The following DLEC1 variants were observed in gnomAD, a reference collection of about 807,000 sequenced individuals.
The protein encoded by DLEC1 is DLEC1 cilia and flagella associated protein.
DLEC1 carries 146 observed loss-of-function variants against 198.1 expected under a neutral mutation model. That is an observed-to-expected ratio of 0.74 (90% CI 0.64 to 0.85). The LOEUF (loss-of-function observed/expected upper bound fraction) is 0.85. DLEC1 is among the 40% of genes least tolerant of loss of function. The pLI is 0.00. For synonymous variants in DLEC1, 897 were observed against 866.8 expected (o/e 1.03, Z -0.61); for missense variants, 2,233 against 2,220.0 (o/e 1.01, Z -0.12).
chr3:38,076,574 C>G (rs965730372), intron 6 of DLEC1, among the ~76,000 whole-genome samples: 5 of 152,094 alleles, frequency 3.3e-5, no homozygotes, highest in Non-Finnish European at 7.4e-5. Context: ...TCACTCAAGG[C>G]AAGGACCGGC....
intron 1 of DLEC1, among the ~76,000 whole-genome samples, chr3:38,040,945 TCCTC>T (rs949792417): frequency 2.0e-5 from 3 of 151,944 alleles, no homozygotes; most frequent in Admixed American, 6.6e-5. Flanking sequence ...GCTCAACTGA[TCCTC>T]CCTCCTCAGC....
chr3:38,043,902 C>T (rs1700766506), intron 1 of DLEC1, among the ~76,000 whole-genome samples: 1 of 151,970 alleles, frequency 6.6e-6, no homozygotes, highest in Admixed American at 6.6e-5. Context: ...TAAATCTTTG[C>T]GATCCCACCA....
chr3:38,117,193 A>G lies in DLEC1; in HGVS notation c.4306-15A>G. The G allele has an allele frequency of 6.2e-7, 1 of 1,614,122 alleles. No individual in the cohort carries two copies. The highest frequency in any genetic ancestry group is 8.5e-7 in the Non-Finnish European group (1 of 1,179,988). ...CAGCCCAGGGATCAGCTGTGATCAG[A>G]CTTGGGCTCAGTAGGTGGAAAGGGA... On this transcript the variant is annotated splice_polypyrimidine_tract_variant and intron_variant, in intron 30 of 36. Coordinates refer to ENST00000308059, the MANE Select transcript of DLEC1 (RefSeq NM_007335.4).
chr3:38,118,735 T>C (rs1453902458), intron 33 of DLEC1, among the ~76,000 whole-genome samples: 2 of 151,942 alleles, frequency 1.3e-5, no homozygotes, highest in African/African-American at 4.8e-5. Flanking sequence ...TCTTTCTTCT[T>C]CTCGGAGGGC....
chr3:38,116,344 G>A (rs762165001), intron 27 of DLEC1, 109 bp from the exon 28 acceptor site: 9 of 1,051,592 alleles, frequency 8.6e-6, no homozygotes, highest in Non-Finnish European at 1.3e-5. Flanking sequence ...CCCTCCACCT[G>A]GGTATGGGAG....
intron 1 of DLEC1, among the ~76,000 whole-genome samples, chr3:38,042,427 CT>C (rs1700698339): frequency 6.6e-6 from 1 of 151,974 alleles, no homozygotes; most frequent in Non-Finnish European, 1.5e-5. Context: ...GGACATTTAA[CT>C]TTTTCTTTGC....
At chr3:38,097,665 G>A (rs770393115) in intron 17 of DLEC1, 28 bp downstream of exon 17, 2 of 1,614,016 alleles carry the variant, frequency 1.2e-6, no homozygotes, top group East Asian at 2.2e-5. Context: ...GGGCAGTGGG[G>A]TGGGCCCAGA....
intron 27 of DLEC1, among the ~76,000 whole-genome samples, chr3:38,115,685 G>A (rs1417640367): frequency 6.6e-6 from 1 of 152,108 alleles, no homozygotes; most frequent in African/African-American, 2.4e-5. Context: ...AGATGGGTTC[G>A]ATGCAGGCAG....
At chr3:38,055,420 T>G (rs1696305673) in intron 2 of DLEC1, among the ~76,000 whole-genome samples, 1 of 152,192 alleles carries the variant, frequency 6.6e-6, no homozygotes, top group Non-Finnish European at 1.5e-5. Context: ...GAGAGTAGAC[T>G]TTATAGCAGC....
At chr3:38,084,831 C>T (rs1432700997) in intron 7 of DLEC1, among the ~76,000 whole-genome samples, 5 of 152,004 alleles carry the variant, frequency 3.3e-5, no homozygotes, top group Non-Finnish European at 4.4e-5. Context: ...TATCTCCCCA[C>T]TCCTCGTGCT....
At chr3:38,092,671 A>T in intron 10 of DLEC1, 119 bp from the exon 11 acceptor site, 1 of 893,726 alleles carries the variant, frequency 1.1e-6, no homozygotes, top group Non-Finnish European at 1.8e-6. Flanking sequence ...GGTGGCAGGG[A>T]GGGGAACAGA....
chr3:38,054,840 G>A (rs1696271114), intron 2 of DLEC1, among the ~76,000 whole-genome samples: 1 of 152,168 alleles, frequency 6.6e-6, no homozygotes. Context: ...TATGGGAAAA[G>A]CCACCACGAG....
chr3:38,060,270 C>A (rs376315084), intron 3 of DLEC1, among the ~76,000 whole-genome samples: 1 of 152,118 alleles, frequency 6.6e-6, no homozygotes, highest in Non-Finnish European at 1.5e-5. Flanking sequence ...GGAGGGAAGC[C>A]TGGGTAGAGA....
At chr3:38,040,848 A>AT (rs566659189) in intron 1 of DLEC1, among the ~76,000 whole-genome samples, 8,090 of 149,488 alleles carry the variant, frequency 0.054, 260 homozygotes, top group Middle Eastern at 0.13. Flanking sequence ...CATATTACAA[A>AT]TTTTTTTTTT....
In DLEC1 at chr3:38,114,435, C is replaced by T; in HGVS notation, c.3760C>T (p.Gln1254Ter). 1.9e-6 allele frequency: 3 copies of T among 1,614,212 alleles called. No homozygotes were observed. The highest frequency in any genetic ancestry group is 2.5e-6 in the Non-Finnish European group (3 of 1,180,024). ...SLRTTSYTID[Q>*]AQKEPAMRFG... ...GAGGACCACCTCCTACACTATTGAC[C>T]AGGCCCAGAAGGAACCAGCCATGAG... is the stretch of plus-strand genomic sequence containing the variant. The change falls in exon 26 of 37, where the codon CAG (glutamine) becomes TAG (stop). Residue 1254 changes from glutamine to a stop codon, truncating the protein, a stop_gained. Coordinates refer to ENST00000308059, the MANE Select transcript of DLEC1 (RefSeq NM_007335.4). LOFTEE classifies it high-confidence loss of function.
At position 38,107,685 on chromosome 3, in the gene DLEC1, C is replaced by T; in HGVS notation, c.2966C>T (p.Thr989Ile). ...TACCTGGGTGTGCCCACGAAGACAACCATCACACTTATCAATGGCACGCTC... is the reference window on the plus strand; with the variant it reads ...TACCTGGGTGTGCCCACGAAGACAATCATCACACTTATCAATGGCACGCTC... The part of the protein sequence containing the change: ...NLYLGVPTKT[T>I]ITLINGTLLP... The change falls in exon 20 of 37, where the codon ACC (threonine) becomes ATC (isoleucine). Residue 989 changes from threonine to isoleucine, a missense_variant. Thr to Ile is a moderately conservative substitution (Grantham distance 89). Transcript: ENST00000308059. The T allele has an allele frequency of 6.2e-7, 1 of 1,614,164 alleles. No homozygotes were observed. Among genetic ancestry groups the T allele is most frequent in the African/African-American group, 1.3e-5 (1 of 75,042 alleles).
chr3:38,070,490 T>G (rs1309585341), intron 6 of DLEC1, among the ~76,000 whole-genome samples: 1 of 152,176 alleles, frequency 6.6e-6, no homozygotes, highest in Non-Finnish European at 1.5e-5. Flanking sequence ...AAACAATAGG[T>G]CAGTTTCATG....
chr3:38,092,660 A>G, intron 10 of DLEC1, 130 bp from the exon 11 acceptor site: 2 of 807,478 alleles, frequency 2.5e-6, no homozygotes, highest in Non-Finnish European at 4.2e-6. Flanking sequence ...GTAAGGTGGG[A>G]GGTGGCAGGG....
intron 6 of DLEC1, among the ~76,000 whole-genome samples, chr3:38,065,969 C>T (rs749342079): frequency 2.0e-5 from 3 of 152,170 alleles, no homozygotes; most frequent in Non-Finnish European, 2.9e-5. Context: ...TGACATTAAA[C>T]GTGTTCTTTT....
Sources: gnomAD v4.1 joint callset for allele counts (sites outside exome capture counted in the v4.1 genomes callset) on GRCh38, gnomAD v4.1.1 for gene constraint, MANE v1.5 for transcripts, NCBI Gene and HGNC (gene_info 2026-07-23, HGNC 2026-07-21) for gene names.